The following VPS13B variants were observed in gnomAD, a reference collection of about 807,000 sequenced individuals.
VPS13B encodes the protein vacuolar protein sorting 13 homolog B, also known as intermembrane lipid transfer protein VPS13B.
VPS13B carries 285 observed loss-of-function variants against 426.4 expected under a neutral mutation model. That is an observed-to-expected ratio of 0.67 (90% CI 0.61 to 0.74). The LOEUF is 0.74. Among genes scored for constraint, VPS13B ranks in the 30% least tolerant of loss-of-function variants. VPS13B has a pLI of 0.00. For missense variants in VPS13B, 4,537 were observed against 4,782.6 expected (o/e 0.95, Z 1.51); for synonymous variants, 1,676 against 1,676.4 (o/e 1.00, Z 0.01).
chr8:99,409,344 G>A (rs1179550718), intron 21 of VPS13B, among the ~76,000 whole-genome samples: 1 of 152,042 alleles, frequency 6.6e-6, no homozygotes, highest in Non-Finnish European at 1.5e-5. Context: ...AATACAAATG[G>A]CATAAAGGAA....
chr8:99,618,859 A>AC (rs1828222077), intron 33 of VPS13B, among the ~76,000 whole-genome samples: 1 of 152,194 alleles, frequency 6.6e-6, no homozygotes, highest in South Asian at 2.1e-4. Flanking sequence ...AGAGTATTGT[A>AC]CAGGAAGGAA....
chr8:99,029,401 G>A (rs1365759392), intron 2 of VPS13B, among the ~76,000 whole-genome samples: 2 of 151,880 alleles, frequency 1.3e-5, no homozygotes, highest in Admixed American at 6.6e-5. Context: ...CTGCAATCTC[G>A]GCTCTTTGGG....
chr8:99,436,112 A>G (rs1817358797), intron 22 of VPS13B, among the ~76,000 whole-genome samples: 1 of 152,182 alleles, frequency 6.6e-6, no homozygotes, highest in South Asian at 2.1e-4. Flanking sequence ...AGGAGAAACC[A>G]GAGAGTTCAT....
At chr8:99,522,104 C>T (rs894402878) in intron 30 of VPS13B, among the ~76,000 whole-genome samples, 1 of 152,072 alleles carries the variant, frequency 6.6e-6, no homozygotes, top group African/African-American at 2.4e-5. Flanking sequence ...CAAAAGAATA[C>T]TGTAGTTGTC....
At chr8:99,859,640 A>G (rs1056041319) in intron 57 of VPS13B, among the ~76,000 whole-genome samples, 160 bp downstream of exon 57, 1 of 151,954 alleles carries the variant, frequency 6.6e-6, no homozygotes, top group Admixed American at 6.6e-5. Flanking sequence ...GCTCATATAT[A>G]ATGTCTTATG....
intron 2 of VPS13B, among the ~76,000 whole-genome samples, chr8:99,018,052 C>A (rs972974563): frequency 6.6e-6 from 1 of 151,976 alleles, no homozygotes. Context: ...TTAAATTTTA[C>A]CTCTTTTTAT....
chr8:99,738,568 G>T (rs1487044194), intron 39 of VPS13B, among the ~76,000 whole-genome samples: 1 of 152,182 alleles, frequency 6.6e-6, no homozygotes, highest in African/African-American at 2.4e-5. Context: ...ATGAAAGATG[G>T]TCTTGAAGAA....
chr8:99,373,150 C>T lies in VPS13B; in HGVS notation c.2825-11058C>T, dbSNP rs574569648. On this transcript the variant is annotated intron_variant, in intron 19 of 61. Coordinates refer to ENST00000357162, the MANE Select transcript of VPS13B (RefSeq NM_152564.5). ...GGACATGGAGGACAACATCACACAC[C>T]GGCACCTGTTGGGAGGTGGGGGGCA... Among the ~76,000 whole-genome samples the T allele has an allele frequency of 6.6e-5, 10 of 151,974 alleles. No individual in the cohort carries two copies. The South Asian group carries it at 8.3e-4, about 13-fold the overall frequency.
At chr8:99,125,961 C>T (rs1236202433) in intron 8 of VPS13B, among the ~76,000 whole-genome samples, 1 of 150,672 alleles carries the variant, frequency 6.6e-6, no homozygotes, top group Non-Finnish European at 1.5e-5. Context: ...GTAATTACAG[C>T]ATGTTTGTTT....
intron 27 of VPS13B, among the ~76,000 whole-genome samples, chr8:99,506,081 T>C (rs2133621592): frequency 6.6e-6 from 1 of 152,326 alleles, no homozygotes; most frequent in Non-Finnish European, 1.5e-5. Flanking sequence ...CTCTGATTTT[T>C]GCTGTATACG....
intron 22 of VPS13B, among the ~76,000 whole-genome samples, chr8:99,440,382 C>A (rs900746204): frequency 6.6e-6 from 1 of 151,968 alleles, no homozygotes; most frequent in Non-Finnish European, 1.5e-5. Flanking sequence ...ATTGTCAGAT[C>A]CTTACATTAA....
chr8:99,835,183 TG>T lies in VPS13B; in HGVS notation c.9615-13del. The T allele has an allele frequency of 6.2e-7, 1 of 1,613,904 alleles. No homozygotes were observed. The highest frequency in any genetic ancestry group is 2.2e-5 in the East Asian group (1 of 44,818). On this transcript the variant is annotated splice_polypyrimidine_tract_variant and intron_variant, in intron 52 of 61. Coordinates refer to ENST00000357162, the MANE Select transcript of VPS13B (RefSeq NM_152564.5). ...TCCTAAACATTTCTGTCATTTGACT[TG>T]ATTCTCTTCCAGGGCTATAGTGCTG... is the stretch of plus-strand genomic sequence containing the variant.
At chr8:99,488,249 T>C (rs1820410130) in intron 25 of VPS13B, among the ~76,000 whole-genome samples, 1 of 152,144 alleles carries the variant, frequency 6.6e-6, no homozygotes, top group Non-Finnish European at 1.5e-5. Flanking sequence ...TCCCTTACTG[T>C]GTTCAAGTAT....
chr8:99,712,382 T>C (rs1042053241), intron 36 of VPS13B, among the ~76,000 whole-genome samples: 2 of 152,348 alleles, frequency 1.3e-5, no homozygotes, highest in East Asian at 1.9e-4. Context: ...GTGGTTTTCA[T>C]TGAATATTAT....
At chr8:99,186,489 T>A (rs1813228099) in intron 16 of VPS13B, among the ~76,000 whole-genome samples, 1 of 152,086 alleles carries the variant, frequency 6.6e-6, no homozygotes, top group South Asian at 2.1e-4. Flanking sequence ...GAGTATTTGT[T>A]ATTTTCTACA....
rs187912058 is a variant in VPS13B at position 99,817,500 on chromosome 8, T to C, written c.8098-40T>C. On this transcript the variant is annotated intron_variant, in intron 44 of 61. Coordinates refer to ENST00000357162, the MANE Select transcript of VPS13B (RefSeq NM_152564.5). ...GATAACATATTTCCAGTTAATGAAG[T>C]CTGAATTGATGAAGCCTTATATACT... The C allele has an allele frequency of 1.9e-6, 3 of 1,610,502 alleles. No individual in the cohort carries two copies. The African/African-American group carries it at 4.0e-5, about 22-fold the overall frequency.
intron 19 of VPS13B, among the ~76,000 whole-genome samples, chr8:99,369,452 A>G (rs988605907): frequency 1.3e-5 from 2 of 152,176 alleles, no homozygotes; most frequent in Non-Finnish European, 2.9e-5. Flanking sequence ...CCAATAAACT[A>G]TATGTGATTG....
At chr8:99,651,079 T>C (rs1375311930) in intron 34 of VPS13B, among the ~76,000 whole-genome samples, 1 of 152,108 alleles carries the variant, frequency 6.6e-6, no homozygotes, top group Admixed American at 6.5e-5. Context: ...TGGAATATGG[T>C]ATCCACAGGA....
intron 34 of VPS13B, among the ~76,000 whole-genome samples, chr8:99,644,146 A>G (rs1417827711): frequency 6.6e-6 from 1 of 152,212 alleles, no homozygotes; most frequent in Non-Finnish European, 1.5e-5. Flanking sequence ...CTAAATTTGT[A>G]GATATGCAGA....
Sources: gnomAD v4.1 joint callset for allele counts (sites outside exome capture counted in the v4.1 genomes callset) on GRCh38, gnomAD v4.1.1 for gene constraint, MANE v1.5 for transcripts, NCBI Gene and HGNC (gene_info 2026-07-23, HGNC 2026-07-21) for gene names.